The following GALK2 variants were observed in gnomAD, a reference collection of about 807,000 sequenced individuals.
GALK2 encodes the protein N-acetylgalactosamine kinase.
A neutral mutation model predicts 52.4 loss-of-function variants in GALK2; 36 were observed. That is an observed-to-expected ratio of 0.69 (90% CI 0.53 to 0.91). GALK2 has a LOEUF of 0.91. Among genes scored for constraint, GALK2 ranks in the 40% least tolerant of loss-of-function variants. GALK2 has a pLI of 0.00. For missense variants in GALK2, 579 were observed against 559.1 expected (o/e 1.04, Z -0.36); for synonymous variants, 176 against 199.1 (o/e 0.88, Z 0.98).
At chr15:49,232,092 G>A (rs1246667053) in intron 3 of GALK2, among the ~76,000 whole-genome samples, 2 of 152,162 alleles carry the variant, frequency 1.3e-5, no homozygotes, top group African/African-American at 4.8e-5. Context: ...TCTCCATGAC[G>A]GCTCTGCTCC....
At chr15:49,265,218 G>T (rs1007598766) in intron 5 of GALK2, among the ~76,000 whole-genome samples, 1 of 152,196 alleles carries the variant, frequency 6.6e-6, no homozygotes, top group Admixed American at 6.5e-5. Flanking sequence ...GCTGTGGTGG[G>T]CTCCACCCAG....
chr15:49,162,991 G>C (rs540628118), intron 1 of GALK2, among the ~76,000 whole-genome samples: 3 of 152,320 alleles, frequency 2.0e-5, no homozygotes, highest in African/African-American at 7.2e-5. Flanking sequence ...TGTGAATGCA[G>C]TTAGTAAATA....
In GALK2 at chr15:49,184,834, A is replaced by C. The variant is rs77362046; in HGVS notation, c.53+14459A>C. On this transcript the variant is annotated intron_variant, in intron 1 of 9. Coordinates refer to ENST00000560031, the MANE Select transcript of GALK2 (RefSeq NM_002044.4). ...TGTCTATGTCTTGAGAAGTTATTGT[A>C]GTTATTATTTTAGATGGGTTCATGT... 4.6e-5 allele frequency among the ~76,000 whole-genome samples: 7 copies of C among 152,130 alleles called. No individual in the cohort carries two copies. The East Asian group carries it at 1.3e-3, about 29-fold the overall frequency.
At chr15:49,207,925 A>G (rs1413248007) in intron 2 of GALK2, among the ~76,000 whole-genome samples, 2 of 152,052 alleles carry the variant, frequency 1.3e-5, no homozygotes, top group African/African-American at 4.8e-5. Flanking sequence ...GGCACCCACC[A>G]CCATGCCCAG....
Position 49,350,587 on chromosome 15 carries a change from G to T in GALK2, c.427-16904G>T, listed in dbSNP as rs533892533. Among the ~76,000 whole-genome samples the T allele has an allele frequency of 5.6e-3, 859 of 152,226 alleles. 6 individuals carry two copies. The highest frequency in any genetic ancestry group is 0.02 in the African/African-American group (819 of 41,556). ...TTTTATGGGCTAGTTCCACAAAACT[G>T]AGCTTAAAAGTAAGAACAAATGGTT... is the stretch of plus-strand genomic sequence containing the variant. On this transcript the variant is annotated intron_variant, in intron 3 of 3. Coordinates refer to the GALK2 transcript ENST00000558399.
At chr15:49,333,278 CTCTCA>C (rs1169356943), downstream of GALK2, among the ~76,000 whole-genome samples, 1 of 152,174 alleles carries the variant, frequency 6.6e-6, no homozygotes, top group Non-Finnish European at 1.5e-5. Flanking sequence ...ATTGCCTTTC[CTCTCA>C]TGAGTATCTC....
intron 3 of GALK2, among the ~76,000 whole-genome samples, chr15:49,228,688 T>TATATATATGTATATATATATA: frequency 2.9e-4 from 3 of 10,442 alleles, no homozygotes; most frequent in Admixed American, 1.5e-3. Flanking sequence ...TATATATATA[T>TATATATATGTATATATATATA]TTTTTTTTTT....
At chr15:49,215,461 T>C (rs1300117456) in intron 2 of GALK2, among the ~76,000 whole-genome samples, 1 of 152,248 alleles carries the variant, frequency 6.6e-6, no homozygotes, top group Non-Finnish European at 1.5e-5. Flanking sequence ...TATTTTTATA[T>C]AGCCTGTCTT....
At position 49,299,784 on chromosome 15, in the gene GALK2, T is replaced by TTTCC. The variant is rs1555428415; in HGVS notation, c.967+7250_967+7251insCTTC. 1.6e-3 allele frequency among the ~76,000 whole-genome samples: 228 copies of TTTCC among 140,264 alleles called. 11 individuals are homozygous for TTTCC. The highest frequency in any genetic ancestry group is 2.9e-3 in the East Asian group (14 of 4,832). The allele number at this position is 140,264 out of a possible 152,430, so 92.0% of individuals were successfully genotyped here. On this transcript the variant is annotated intron_variant, in intron 8 of 9. Transcript: ENST00000560031. The stretch of plus-strand genomic sequence containing the variant: ...CTTTCTTTCTTTCTTTCTTTCTTTC[T>TTTCC]TTCTTTCTTTCGTGCTGTAGTCTGA...
intron 5 of GALK2, among the ~76,000 whole-genome samples, chr15:49,259,727 C>A: frequency 7.4e-6 from 1 of 134,260 alleles, no homozygotes; most frequent in Middle Eastern, 3.7e-3. Flanking sequence ...TATCCCTCCC[C>A]CCTCCCCCAA....
At chr15:49,170,162 C>T (rs1031431731), upstream of GALK2, 8 of 1,451,454 alleles carry the variant, frequency 5.5e-6, no homozygotes, top group Middle Eastern at 2.4e-4. Context: ...GAGGAGGGGC[C>T]GATTGGAAGC....
At chr15:49,357,312 G>C (rs2043322442) in intron 3 of GALK2, among the ~76,000 whole-genome samples, 2 of 150,178 alleles carry the variant, frequency 1.3e-5, no homozygotes, top group Non-Finnish European at 3.0e-5. Context: ...TTTTTGAAAG[G>C]ATCAACAAAA....
intron 9 of GALK2, among the ~76,000 whole-genome samples, chr15:49,321,704 A>G (rs2036886789): frequency 6.6e-6 from 1 of 152,214 alleles, no homozygotes; most frequent in Non-Finnish European, 1.5e-5. Flanking sequence ...GTTCATTGGA[A>G]AGCCTGGCTC....
At chr15:49,192,506 T>TATATATAC (rs2086837080) in intron 1 of GALK2, among the ~76,000 whole-genome samples, 4 of 138,600 alleles carry the variant, frequency 2.9e-5, no homozygotes, top group Non-Finnish European at 6.3e-5. Context: ...TATATATATA[T>TATATATAC]ATATATATAT....
chr15:49,212,236 G>T (rs542282117), intron 2 of GALK2, among the ~76,000 whole-genome samples: 1 of 152,046 alleles, frequency 6.6e-6, no homozygotes, highest in African/African-American at 2.4e-5. Context: ...GGGATTACAG[G>T]TGTCCACGAC....
intron 1 of GALK2, among the ~76,000 whole-genome samples, chr15:49,196,872 T>C (rs2087279879): frequency 6.6e-6 from 1 of 152,244 alleles, no homozygotes; most frequent in African/African-American, 2.4e-5. Context: ...GGAGGATCAC[T>C]TGAAGCCAGA....
chr15:49,287,157 G>A (rs1418171435), intron 7 of GALK2, among the ~76,000 whole-genome samples: 4 of 152,166 alleles, frequency 2.6e-5, no homozygotes. Context: ...TGTTCTTGAG[G>A]ATGTTTTCTC....
At chr15:49,351,427 T>C (rs1328617224) in intron 3 of GALK2, among the ~76,000 whole-genome samples, 1 of 152,210 alleles carries the variant, frequency 6.6e-6, no homozygotes, top group Non-Finnish European at 1.5e-5. Flanking sequence ...GATCTTACCA[T>C]AGGACAATGT....
chr15:49,170,492 A>G (rs982947286), intron 1 of GALK2, 117 bp downstream of exon 1: 1 of 995,374 alleles, frequency 1.0e-6, no homozygotes, highest in Non-Finnish European at 1.5e-6. Context: ...GAGCAAGTGG[A>G]ACCCTTGGGA....
Sources: allele counts gnomAD v4.1 joint callset (sites outside exome capture counted in the v4.1 genomes callset), GRCh38; gene constraint gnomAD v4.1.1; transcripts MANE v1.5; gene names NCBI Gene and HGNC (gene_info 2026-07-23, HGNC 2026-07-21).